TBC1D22A: variants seen among roughly 807,000 people sequenced by gnomAD.
TBC1D22A encodes the protein TBC1 domain family member 22A.
In TBC1D22A, 38 loss-of-function variants were observed where a neutral mutation model predicts 60.2. The ratio of observed to expected loss-of-function variants is 0.63; its 90% CI spans 0.49 to 0.83. TBC1D22A has a LOEUF of 0.83. Among genes scored for constraint, TBC1D22A ranks in the 40% least tolerant of loss-of-function variants. The pLI, the probability that TBC1D22A is intolerant of heterozygous loss-of-function variation, is 0.00. For missense variants in TBC1D22A, 628 were observed against 701.0 expected (o/e 0.90, Z 1.18); for synonymous variants, 302 against 281.7 (o/e 1.07, Z -0.72).
chr22:46,768,426 A>G (rs923142089), intron 1 of TBC1D22A, among the ~76,000 whole-genome samples: 12 of 145,546 alleles, frequency 8.2e-5, no homozygotes, highest in Admixed American at 6.5e-4. Flanking sequence ...CAGAGGTTGC[A>G]GTGAGCCAAG....
intron 12 of TBC1D22A, among the ~76,000 whole-genome samples, chr22:47,162,200 AG>A (rs776513718): frequency 0.011 from 1,521 of 135,966 alleles, 13 homozygotes; most frequent in Non-Finnish European, 0.017. Flanking sequence ...TTCATTTGAA[AG>A]GTTTTTTTTT....
chr22:47,137,175 A>T (rs1230876980), intron 12 of TBC1D22A, among the ~76,000 whole-genome samples: 3 of 152,128 alleles, frequency 2.0e-5, no homozygotes, highest in Non-Finnish European at 2.9e-5. Flanking sequence ...TAGTTTGAGG[A>T]TTTTCAGGGC....
At chr22:46,878,823 G>C (rs1201907570) in intron 5 of TBC1D22A, 100 bp downstream of exon 5, 1 of 1,148,836 alleles carries the variant, frequency 8.7e-7, no homozygotes, top group Admixed American at 2.0e-5. Flanking sequence ...CCACGGGTTT[G>C]CCTTGGCTTT....
intron 7 of TBC1D22A, among the ~76,000 whole-genome samples, chr22:46,909,312 A>ACACACT (rs763075746): frequency 1.5e-5 from 2 of 129,054 alleles, no homozygotes; most frequent in East Asian, 3.1e-4. Context: ...ACACACACAC[A>ACACACT]CTCACACACT....
intron 4 of TBC1D22A, among the ~76,000 whole-genome samples, chr22:46,813,613 A>G (rs2085472015): frequency 6.6e-6 from 1 of 152,244 alleles, no homozygotes; most frequent in Non-Finnish European, 1.5e-5. Flanking sequence ...CAATGGAGAA[A>G]GAGATCTGCC....
At chr22:47,031,639 G>A (rs975607094) in intron 10 of TBC1D22A, among the ~76,000 whole-genome samples, 11 of 151,734 alleles carry the variant, frequency 7.2e-5, no homozygotes, top group Admixed American at 3.3e-4. Context: ...TCGTTTCAAG[G>A]GGACAGAGTG....
At chr22:46,971,320 G>C (rs2074051403) in intron 8 of TBC1D22A, among the ~76,000 whole-genome samples, 1 of 152,200 alleles carries the variant, frequency 6.6e-6, no homozygotes, top group African/African-American at 2.4e-5. Context: ...TGTGCACTCA[G>C]GCAGAGGCTG....
At chr22:47,096,791 C>T (rs148330381) in intron 11 of TBC1D22A, among the ~76,000 whole-genome samples, 2,202 of 152,190 alleles carry the variant, frequency 0.014, 24 homozygotes, top group Non-Finnish European at 0.024. Flanking sequence ...CACAGCACTC[C>T]AGCCTGGGTG....
intron 1 of TBC1D22A, among the ~76,000 whole-genome samples, chr22:46,790,722 T>A (rs1017182776): frequency 6.6e-6 from 1 of 152,176 alleles, no homozygotes; most frequent in African/African-American, 2.4e-5. Flanking sequence ...TGTTCTCTTG[T>A]TGAATGAGCA....
intron 11 of TBC1D22A, among the ~76,000 whole-genome samples, chr22:47,068,362 C>T (rs1405608563): frequency 2.0e-5 from 3 of 152,202 alleles, no homozygotes; most frequent in South Asian, 2.1e-4. Flanking sequence ...TCAGGAGAGC[C>T]GGTGTCACCA....
chr22:47,112,337 C>T (rs761285810), intron 12 of TBC1D22A, among the ~76,000 whole-genome samples: 4 of 152,226 alleles, frequency 2.6e-5, no homozygotes, highest in Non-Finnish European at 4.4e-5. Flanking sequence ...GCAAGGAAGA[C>T]CCCAGCAGTG....
At chr22:47,062,629 G>A (rs1260683974) in intron 11 of TBC1D22A, among the ~76,000 whole-genome samples, 1 of 152,168 alleles carries the variant, frequency 6.6e-6, no homozygotes, top group African/African-American at 2.4e-5. Flanking sequence ...CATAGGTGCA[G>A]CTTCGTGTGG....
Position 46,985,030 on chromosome 22 carries a change from C to T in TBC1D22A, c.1125+10631C>T, listed in dbSNP as rs1382273540. On this transcript the variant is annotated intron_variant, in intron 9 of 12. Transcript: ENST00000337137. ...CAAAGGCAGTTGAGGGGGGAGCCTC[C>T]GCCATGAGTTCAGGAGCCTCTGCCA... is the stretch of plus-strand genomic sequence containing the variant. Among the ~76,000 whole-genome samples the T allele has an allele frequency of 2.6e-5, 4 of 152,178 alleles. No homozygotes were observed. In the East Asian group the frequency reaches 5.8e-4, roughly 22 times the overall value.
At chr22:46,928,540 C>T (rs2071175412) in intron 8 of TBC1D22A, among the ~76,000 whole-genome samples, 1 of 152,038 alleles carries the variant, frequency 6.6e-6, no homozygotes, top group Non-Finnish European at 1.5e-5. Context: ...ACACCAAAAG[C>T]AAAAGGGACA....
intron 11 of TBC1D22A, among the ~76,000 whole-genome samples, chr22:47,076,530 A>G (rs1418172149): frequency 6.6e-6 from 1 of 151,938 alleles, no homozygotes; most frequent in African/African-American, 2.4e-5. Context: ...AAATAATTGA[A>G]CAGTGTTTTG....
intron 7 of TBC1D22A, among the ~76,000 whole-genome samples, chr22:46,909,208 C>T (rs1490123886): frequency 3.3e-5 from 5 of 151,884 alleles, no homozygotes; most frequent in Non-Finnish European, 7.4e-5. Flanking sequence ...TGTGTGTGTG[C>T]GTGCATGTGT....
chr22:46,838,475 A>G (rs1235791162), intron 4 of TBC1D22A, among the ~76,000 whole-genome samples: 3 of 152,236 alleles, frequency 2.0e-5, no homozygotes, highest in Non-Finnish European at 2.9e-5. Flanking sequence ...GAATTCTACC[A>G]AATACTTAAA....
chr22:47,054,550 T>C (rs1430908614), intron 11 of TBC1D22A, among the ~76,000 whole-genome samples: 1 of 152,206 alleles, frequency 6.6e-6, no homozygotes, highest in Non-Finnish European at 1.5e-5. Flanking sequence ...CATCTGCTGG[T>C]GCGGCCAAGA....
chr22:46,929,869 C>A (rs546197509), intron 8 of TBC1D22A, among the ~76,000 whole-genome samples: 1 of 152,124 alleles, frequency 6.6e-6, no homozygotes, highest in Non-Finnish European at 1.5e-5. Context: ...GTCCCCTGGA[C>A]CTGGTGTGCT....
Sources: allele counts gnomAD v4.1 joint callset (sites outside exome capture counted in the v4.1 genomes callset), GRCh38; gene constraint gnomAD v4.1.1; transcripts MANE v1.5; gene names NCBI Gene and HGNC (gene_info 2026-07-23, HGNC 2026-07-21).